Variants in UNC80 observed in about 807,000 individuals in gnomAD.
UNC80 encodes the protein unc-80 subunit of NALCN channel complex.
In UNC80, 164 loss-of-function variants were observed where a neutral mutation model predicts 384.6. The ratio of observed to expected loss-of-function variants is 0.43; its 90% CI spans 0.38 to 0.49. UNC80 has a LOEUF of 0.49. UNC80 is among the 20% of genes least tolerant of loss of function. The pLI, the probability that UNC80 is intolerant of heterozygous loss-of-function variation, is 0.00. For missense variants in UNC80, 3,330 were observed against 4,143.0 expected (o/e 0.80, Z 5.39); for synonymous variants, 1,486 against 1,527.8 (o/e 0.97, Z 0.64).
chr2:209,920,132 G>T (rs368945447), intron 33 of UNC80, among the ~76,000 whole-genome samples: 4 of 152,040 alleles, frequency 2.6e-5, no homozygotes, highest in African/African-American at 7.2e-5. Flanking sequence ...TTGTGCCATT[G>T]TACTCCAGCC....
At chr2:209,778,668 G>A (rs562436116) in intron 4 of UNC80, among the ~76,000 whole-genome samples, 3 of 152,300 alleles carry the variant, frequency 2.0e-5, no homozygotes, top group Admixed American at 2.0e-4. Flanking sequence ...GAATATATAT[G>A]TAAGACACAC....
intron 7 of UNC80, among the ~76,000 whole-genome samples, chr2:209,802,932 T>A (rs1574504695): frequency 1.3e-5 from 2 of 152,178 alleles, no homozygotes; most frequent in African/African-American, 4.8e-5. Context: ...TGGTGACTGG[T>A]CTTAGTTTCT....
intron 13 of UNC80, among the ~76,000 whole-genome samples, chr2:209,822,669 A>C (rs1331712322): frequency 6.6e-6 from 1 of 152,180 alleles, no homozygotes; most frequent in East Asian, 1.9e-4. Context: ...GAGGTTTATA[A>C]TTAGTGTTTT....
rs1207590615 is a variant in UNC80 at position 209,941,235 on chromosome 2, T to C, written c.6661T>C (p.Phe2221Leu). Residue 2221 changes from phenylalanine (F) to leucine (L), a missense_variant, in exon 44 of 65, where the codon TTT (phenylalanine) becomes CTT (leucine). Phe to Leu is a conservative substitution (Grantham distance 22). This residue lies in a region of UNC80 where 1,049 missense variants were observed against 1,488.6 expected (regional missense o/e 0.70). Transcript: ENST00000673920. ...FSDPQAGKEL[F>L]GLDTLQKSLW... ...TGTTCTCACAGCTGGAAAGGAACTGTTTGGCCTCGACACTCTTCAGAAAAG... is the reference window on the plus strand; with the variant it reads ...TGTTCTCACAGCTGGAAAGGAACTGCTTGGCCTCGACACTCTTCAGAAAAG... 6.6e-7 allele frequency: 1 copy of C among 1,516,008 alleles called. No homozygotes were observed. The highest frequency in any genetic ancestry group is 8.9e-7 in the Non-Finnish European group (1 of 1,122,136). The allele number at this position is 1,516,008 out of a possible 1,614,324, so 93.9% of individuals were successfully genotyped here. A position where few individuals can be genotyped will look rare whatever the true frequency, so the allele number is the denominator to read the frequency against.
intron 24 of UNC80, among the ~76,000 whole-genome samples, chr2:209,880,540 A>G (rs2085196217): frequency 6.6e-6 from 1 of 152,224 alleles, no homozygotes; most frequent in African/African-American, 2.4e-5. Flanking sequence ...ACTGCCATAT[A>G]CATAGTCTAA....
At chr2:209,959,293 C>T in intron 50 of UNC80, 139 bp downstream of exon 50, 1 of 1,231,738 alleles carries the variant, frequency 8.1e-7, no homozygotes, top group Non-Finnish European at 1.2e-6. Context: ...AGTGGGTTTA[C>T]TACAGTTTGG....
intron 49 of UNC80, 50 bp downstream of exon 49, chr2:209,957,786 C>A: frequency 6.6e-7 from 1 of 1,508,076 alleles, no homozygotes; most frequent in Non-Finnish European, 9.0e-7. Flanking sequence ...TCATACAACC[C>A]GAATGTCAGC....
chr2:209,827,392 TA>T (rs1261303572), intron 14 of UNC80, among the ~76,000 whole-genome samples: 1 of 152,132 alleles, frequency 6.6e-6, no homozygotes, highest in Admixed American at 6.6e-5. Flanking sequence ...CTGGCTCCGA[TA>T]ACCAAGATTT....
intron 22 of UNC80, among the ~76,000 whole-genome samples, chr2:209,852,970 T>C (rs7586883): frequency 1 from 152,102 of 152,168 alleles, 76,018 homozygotes; most frequent in Non-Finnish European, 1. Flanking sequence ...TGTAGATATG[T>C]TAGGTAGATA....
intron 48 of UNC80, among the ~76,000 whole-genome samples, chr2:209,957,012 G>A (rs903175655): frequency 3.3e-5 from 5 of 151,948 alleles, no homozygotes; most frequent in South Asian, 2.1e-4. Context: ...TGCCTTTTTC[G>A]TCCTAGATGC....
intron 29 of UNC80, among the ~76,000 whole-genome samples, chr2:209,907,287 T>A (rs1180215874): frequency 2.3e-5 from 2 of 88,182 alleles, no homozygotes; most frequent in African/African-American, 4.5e-5. Flanking sequence ...GGTACAATAA[T>A]GGGCAAAAAA....
chr2:209,965,354 T>C (rs2092712101), intron 51 of UNC80, among the ~76,000 whole-genome samples: 1 of 152,128 alleles, frequency 6.6e-6, no homozygotes, highest in Non-Finnish European at 1.5e-5. Context: ...GAGAGATGGG[T>C]ATTTTGGGGC....
chr2:209,965,541 C>T (rs2125007171), intron 51 of UNC80, among the ~76,000 whole-genome samples: 1 of 152,024 alleles, frequency 6.6e-6, no homozygotes, highest in Middle Eastern at 3.4e-3. Context: ...TCTCCTCAGC[C>T]TCCCGAGTAG....
chr2:209,842,612 AACAG>A (rs1325275258), intron 21 of UNC80, among the ~76,000 whole-genome samples, 166 bp downstream of exon 21: 2 of 152,178 alleles, frequency 1.3e-5, no homozygotes, highest in Non-Finnish European at 2.9e-5. Flanking sequence ...AATTTGATTC[AACAG>A]ACATTTATGG....
intron 7 of UNC80, chr2:209,808,750 T>C (rs1559124332): frequency 4.8e-5 from 2 of 42,026 alleles, no homozygotes; most frequent in South Asian, 1.3e-4. Context: ...GCCTAGTGAG[T>C]GGGTCGCCTG....
At chr2:209,989,845 A>AT (rs2093360227) in intron 61 of UNC80, among the ~76,000 whole-genome samples, 1 of 152,218 alleles carries the variant, frequency 6.6e-6, no homozygotes, top group East Asian at 1.9e-4. Context: ...ATAAATTATC[A>AT]TTGTGAATTT....
intron 22 of UNC80, among the ~76,000 whole-genome samples, chr2:209,860,995 C>T (rs1559216232): frequency 6.6e-6 from 1 of 152,202 alleles, no homozygotes; most frequent in Non-Finnish European, 1.5e-5. Context: ...CGTCTGCAAA[C>T]AATGACAAGC....
At chr2:209,795,626 C>T (rs115718449) in intron 7 of UNC80, 7 of 152,284 alleles carry the variant, frequency 4.6e-5, no homozygotes, top group Non-Finnish European at 7.3e-5. Context: ...TGTGTGCAGC[C>T]GAGGGACTTG....
chr2:209,776,066 C>CTTTTTTTTTTT (rs765846768), intron 3 of UNC80, 21 bp downstream of exon 3: 1 of 1,613,622 alleles, frequency 6.2e-7, no homozygotes, highest in Non-Finnish European at 8.5e-7. Flanking sequence ...CGCATTACTT[C>CTTTTTTTTTTT]TTTATTGCAT....
Sources: gnomAD v4.1 joint callset for allele counts (sites outside exome capture counted in the v4.1 genomes callset) on GRCh38, gnomAD v4.1.1 for gene constraint, gnomAD v4.1.1 regional missense constraint, MANE v1.5 for transcripts, NCBI Gene and HGNC (gene_info 2026-07-23, HGNC 2026-07-21) for gene names.